Variants in RALB observed in about 807,000 individuals in gnomAD.
RALB encodes ras-related protein Ral-B.
In RALB, 16 loss-of-function variants were observed where a neutral mutation model predicts 21.3. The observed-to-expected ratio is 0.75, with a 90% CI of 0.51 to 1.14. The LOEUF is 1.14. Among genes scored for constraint, RALB ranks in the 50% most tolerant of loss-of-function variants. The probability of loss-of-function intolerance (pLI) is 0.00; values close to 1 mark genes in which losing one functional copy is unlikely to be tolerated. For synonymous variants in RALB, 93 were observed against 96.1 expected, an observed-to-expected ratio of 0.97 and a Z score of 0.19; for missense variants, 161 against 256.2, an observed-to-expected ratio of 0.63 and a Z score of 2.54.
intron 1 of RALB, among the ~76,000 whole-genome samples, chr2:120,254,816 C>G (rs1689156471): frequency 6.6e-6 from 1 of 152,082 alleles, no homozygotes; most frequent in South Asian, 2.1e-4. Context: ...TAGCTTGGTA[C>G]AGTCTTGCAC....
chr2:120,250,012 A>AT (rs1320562863), upstream of RALB, among the ~76,000 whole-genome samples: 16 of 152,130 alleles, frequency 1.1e-4, no homozygotes, highest in African/African-American at 3.9e-4. Flanking sequence ...GCTAAGATTG[A>AT]TTTTTCTCAT....
intron 1 of RALB, chr2:120,253,323 C>A: frequency 1.1e-6 from 1 of 915,290 alleles, no homozygotes; most frequent in Non-Finnish European, 1.3e-6. Flanking sequence ...CGTCCACTTC[C>A]TCAGTCCTCC....
intron 2 of RALB, among the ~76,000 whole-genome samples, chr2:120,282,106 C>T (rs1388061012): frequency 6.6e-6 from 1 of 152,034 alleles, no homozygotes; most frequent in Non-Finnish European, 1.5e-5. Context: ...AGAGCCGTGG[C>T]AGATCCAAGG....
At chr2:120,263,098 C>T (rs1021260420) in intron 1 of RALB, among the ~76,000 whole-genome samples, 1 of 152,234 alleles carries the variant, frequency 6.6e-6, no homozygotes, top group African/African-American at 2.4e-5. Context: ...GGACTGGCAG[C>T]TTTTCCTACT....
At chr2:120,289,815 G>A (rs907517018) in intron 4 of RALB, 58 bp downstream of exon 4, 1 of 1,482,238 alleles carries the variant, frequency 6.7e-7, no homozygotes. Flanking sequence ...CAGAATGGAG[G>A]CATCTCATCT....
intron 4 of RALB, among the ~76,000 whole-genome samples, 190 bp downstream of exon 4, chr2:120,289,947 A>G (rs937856924): frequency 6.6e-6 from 1 of 152,178 alleles, no homozygotes; most frequent in African/African-American, 2.4e-5. Context: ...ATTTCAGACA[A>G]CTCACAGAAC....
chr2:120,278,473 C>G (rs542781199), intron 1 of RALB, 145 bp from the exon 2 acceptor site: 2 of 751,194 alleles, frequency 2.7e-6, no homozygotes, highest in Non-Finnish European at 3.8e-6. Flanking sequence ...TTGGAGGGCT[C>G]GCATGTCTGC....
intron 1 of RALB, among the ~76,000 whole-genome samples, chr2:120,262,907 G>A (rs900536487): frequency 5.3e-5 from 8 of 152,100 alleles, no homozygotes; most frequent in African/African-American, 9.7e-5. Context: ...CGTTTTCCAC[G>A]TGTCCCTCTC....
intron 1 of RALB, chr2:120,253,232 T>A: frequency 2.6e-6 from 1 of 384,144 alleles, no homozygotes; most frequent in Non-Finnish European, 3.6e-6. Flanking sequence ...GGCCTCCGCC[T>A]CTCCCTTGTA....
chr2:120,257,271 C>T (rs746130827), intron 1 of RALB, among the ~76,000 whole-genome samples: 2 of 152,210 alleles, frequency 1.3e-5, no homozygotes, highest in African/African-American at 2.4e-5. Context: ...AACCCTCTTA[C>T]TCCTCCCCAT....
intron 1 of RALB, among the ~76,000 whole-genome samples, chr2:120,256,568 A>G (rs6542578): frequency 0.7 from 105,585 of 151,902 alleles, 37,278 homozygotes; most frequent in Middle Eastern, 0.8. Flanking sequence ...CCCTGCTGGC[A>G]CTCATTCTCT....
At chr2:120,285,048 C>G (rs1008260792) in intron 2 of RALB, among the ~76,000 whole-genome samples, 2 of 152,106 alleles carry the variant, frequency 1.3e-5, no homozygotes, top group African/African-American at 4.8e-5. Flanking sequence ...GAAGAAATAC[C>G]CAAGACTGGG....
intron 1 of RALB, among the ~76,000 whole-genome samples, chr2:120,243,031 T>TGA (rs1688918829): frequency 6.6e-6 from 1 of 152,204 alleles, no homozygotes; most frequent in African/African-American, 2.4e-5. Flanking sequence ...TCAACCTCTG[T>TGA]GAGAGAGAGC....
intron 1 of RALB, among the ~76,000 whole-genome samples, chr2:120,242,904 C>T (rs1249745374): frequency 6.6e-6 from 1 of 152,136 alleles, no homozygotes; most frequent in Non-Finnish European, 1.5e-5. Context: ...AGCAAGACCA[C>T]CATCTCTGTT....
At chr2:120,279,536 TTA>T (rs1454241074) in intron 2 of RALB, among the ~76,000 whole-genome samples, 3 of 152,190 alleles carry the variant, frequency 2.0e-5, no homozygotes, top group Non-Finnish European at 4.4e-5. Context: ...TTACATTGTA[TTA>T]TGTATTATAA....
chr2:120,257,639 T>C (rs1689232524), intron 1 of RALB, among the ~76,000 whole-genome samples: 1 of 152,234 alleles, frequency 6.6e-6, no homozygotes, highest in Non-Finnish European at 1.5e-5. Flanking sequence ...CCCAATCCAG[T>C]TGAAGGTTGT....
intron 1 of RALB, among the ~76,000 whole-genome samples, chr2:120,246,874 T>C (rs1356770300): frequency 1.4e-5 from 2 of 146,754 alleles, no homozygotes; most frequent in African/African-American, 5.0e-5. Context: ...TGTGATGCTG[T>C]CAAGAGGACA....
In RALB at chr2:120,294,517, T is replaced by C. The variant is rs924433667; in HGVS notation, c.*1257T>C. ...TGTGGGAAGAGCCCAGTATTCACAT[T>C]TTTTCCCCATTTTTCAGAAGCGACA... On this transcript the variant is annotated 3_prime_UTR_variant, in exon 5 of 5. Coordinates refer to ENST00000272519, the MANE Select transcript of RALB (RefSeq NM_002881.3). The C allele has an allele frequency of 2.9e-6, 1 of 349,666 alleles. No individual in the cohort carries two copies. The highest frequency in any genetic ancestry group is 4.7e-5 in the Admixed American group (1 of 21,128). 21.7% of individuals were successfully genotyped at this position (349,666 alleles called of 1,614,324 possible).
chr2:120,246,732 T>C (rs1573315465), intron 1 of RALB, among the ~76,000 whole-genome samples: 3 of 152,148 alleles, frequency 2.0e-5, no homozygotes, highest in African/African-American at 7.2e-5. Context: ...GAAGGGCAGG[T>C]GTCTGTGACT....
Sources: gnomAD v4.1 joint callset for allele counts (sites outside exome capture counted in the v4.1 genomes callset) on GRCh38, gnomAD v4.1.1 for gene constraint, MANE v1.5 for transcripts, NCBI Gene and HGNC (gene_info 2026-07-23, HGNC 2026-07-21) for gene names.